The following L1TD1 variants were observed in gnomAD, a reference collection of about 807,000 sequenced individuals.
The protein encoded by L1TD1 is LINE1 type transposase domain containing 1, also known as LINE-1 type transposase domain-containing protein 1.
Under a neutral mutation model 25.7 loss-of-function variants are expected in L1TD1, and 26 were observed. The ratio of observed to expected loss-of-function variants is 1.01; its 90% confidence interval spans 0.74 to 1.40. The LOEUF (loss-of-function observed/expected upper bound fraction) is 1.40. Ranked by LOEUF, L1TD1 falls within the 40% of genes most tolerant of loss-of-function variation. The probability of loss-of-function intolerance (pLI) is 0.00; values close to 1 mark genes in which losing one functional copy is unlikely to be tolerated. For synonymous variants in L1TD1, 421 were observed against 335.6 expected (o/e 1.25, Z -2.78); for missense variants, 1,130 against 975.0 (o/e 1.16, Z -2.12).
chr1:62,198,116 G>A (rs955651605), intron 2 of L1TD1, among the ~76,000 whole-genome samples: 1 of 151,986 alleles, frequency 6.6e-6, no homozygotes, highest in African/African-American at 2.4e-5. Context: ...GGAGAGAGAC[G>A]TACTAACTAG....
chr1:62,201,426 T>C (rs1477114829), intron 2 of L1TD1, among the ~76,000 whole-genome samples: 1 of 148,008 alleles, frequency 6.8e-6, no homozygotes, highest in Non-Finnish European at 1.5e-5. Flanking sequence ...AAAAAAATAT[T>C]AGAAGCATTA....
chr1:62,211,468 G>A lies in L1TD1; in HGVS notation c.*96G>A. On this transcript the variant is annotated 3_prime_UTR_variant, in exon 4 of 4. Coordinates refer to ENST00000498273, the MANE Select transcript of L1TD1 (RefSeq NM_019079.5). ...AAAATACACTTCTACCCAGAAGGAT[G>A]GACAGCTAATAGCGTACTTGGGGAT... The A allele has an allele frequency of 6.7e-7, 1 of 1,500,698 alleles. No individual in the cohort carries two copies. The highest frequency in any genetic ancestry group is 8.8e-7 in the Non-Finnish European group (1 of 1,132,284). The allele number at this position is 1,500,698 out of a possible 1,614,324, so 93.0% of individuals were successfully genotyped here.
At chr1:62,208,641 G>A (rs1670799095) in intron 3 of L1TD1, among the ~76,000 whole-genome samples, 1 of 151,990 alleles carries the variant, frequency 6.6e-6, no homozygotes, top group South Asian at 2.1e-4. Context: ...ACCACACCCA[G>A]CTAATTTTTG....
chr1:62,204,916 A>G (rs1429502859), intron 2 of L1TD1, among the ~76,000 whole-genome samples: 1 of 151,924 alleles, frequency 6.6e-6, no homozygotes, highest in African/African-American at 2.4e-5. Flanking sequence ...TACTGGGACT[A>G]CAGTGCACGC....
chr1:62,205,680 C>T (rs992173450), intron 2 of L1TD1, among the ~76,000 whole-genome samples: 5 of 151,746 alleles, frequency 3.3e-5, no homozygotes, highest in Admixed American at 6.6e-5. Flanking sequence ...ATCCACCCAC[C>T]TCAGCCTCCC....
chr1:62,197,937 C>G (rs555559082), intron 2 of L1TD1, among the ~76,000 whole-genome samples: 3 of 152,036 alleles, frequency 2.0e-5, no homozygotes, highest in African/African-American at 4.8e-5. Context: ...ATGCCCACTG[C>G]TGAGGGAATT....
At chr1:62,204,977 G>T (rs1670707285) in intron 2 of L1TD1, among the ~76,000 whole-genome samples, 1 of 151,900 alleles carries the variant, frequency 6.6e-6, no homozygotes, top group African/African-American at 2.4e-5. Flanking sequence ...TGTTACCCAG[G>T]CAGGTCTCAA....
intron 2 of L1TD1, among the ~76,000 whole-genome samples, chr1:62,201,251 T>G (rs1670633602): frequency 6.6e-6 from 1 of 152,096 alleles, no homozygotes; most frequent in Non-Finnish European, 1.5e-5. Flanking sequence ...ATTGTAGCGT[T>G]TATTGGACAC....
intron 2 of L1TD1, among the ~76,000 whole-genome samples, chr1:62,202,905 A>ACTC (rs943729296): frequency 6.6e-6 from 1 of 151,384 alleles, no homozygotes; most frequent in Admixed American, 6.6e-5. Context: ...GTAGTCACGA[A>ACTC]CTCCTGACCT....
intron 2 of L1TD1, among the ~76,000 whole-genome samples, chr1:62,197,361 T>C (rs1410150290): frequency 6.9e-6 from 1 of 145,112 alleles, no homozygotes; most frequent in East Asian, 2.1e-4. Flanking sequence ...CACTCCAGCC[T>C]GGGCAAGAGT....
At chr1:62,195,025 G>T (rs931139135) in intron 1 of L1TD1, 104 bp downstream of exon 1, 2 of 152,530 alleles carry the variant, frequency 1.3e-5, no homozygotes, top group Non-Finnish European at 2.9e-5. Context: ...AGGCGCGTGG[G>T]GTCCGGGGTG....
intron 2 of L1TD1, among the ~76,000 whole-genome samples, chr1:62,198,862 G>A (rs892397403): frequency 4.6e-5 from 7 of 150,558 alleles, no homozygotes; most frequent in African/African-American, 1.7e-4. Context: ...TTTTTTGGCA[G>A]GGTCTTGCTC....
Position 62,210,887 on chromosome 1 carries a change from A to T in L1TD1, c.2113A>T (p.Ile705Leu). ...ERSRSCNIRLIGIPEKESYEN... is the reference protein window; with the variant it reads ...ERSRSCNIRLLGIPEKESYEN... ...ATCTAGAAGTTGCAACATTCGTTTG[A>T]TAGGAATTCCAGAAAAGGAGAGTTA... is the stretch of plus-strand genomic sequence containing the variant. Residue 705 changes from isoleucine to leucine, a missense_variant, in exon 4 of 4, where the codon ATA (isoleucine) becomes TTA (leucine). Coordinates refer to ENST00000498273, the MANE Select transcript of L1TD1 (RefSeq NM_019079.5). The T allele has an allele frequency of 1.9e-6, 3 of 1,551,438 alleles. No homozygotes were observed. The highest frequency in any genetic ancestry group is 3.9e-5 in the Admixed American group (2 of 50,964).
intron 2 of L1TD1, among the ~76,000 whole-genome samples, chr1:62,203,960 AG>A (rs1670689522): frequency 6.6e-6 from 1 of 152,014 alleles, no homozygotes; most frequent in Admixed American, 6.6e-5. Context: ...TCCTGACCTC[AG>A]GGGATCCACC....
At chr1:62,209,273 A>G (rs1282905131) in intron 3 of L1TD1, among the ~76,000 whole-genome samples, 1 of 148,948 alleles carries the variant, frequency 6.7e-6, no homozygotes, top group Non-Finnish European at 1.5e-5. Context: ...GCTAGAGTGT[A>G]AACTGCAATT....
At chr1:62,208,834 C>T (rs1277512615) in intron 3 of L1TD1, among the ~76,000 whole-genome samples, 1 of 152,184 alleles carries the variant, frequency 6.6e-6, no homozygotes, top group Non-Finnish European at 1.5e-5. Flanking sequence ...GAACGCTTCT[C>T]CTCTGCCTTT....
At chr1:62,196,811 C>G (rs935396681) in intron 2 of L1TD1, among the ~76,000 whole-genome samples, 1 of 151,904 alleles carries the variant, frequency 6.6e-6, no homozygotes, top group African/African-American at 2.4e-5. Flanking sequence ...AGGGTGGTCT[C>G]GAGCTCCTGA....
At chr1:62,200,157 A>G (rs1670614421) in intron 2 of L1TD1, among the ~76,000 whole-genome samples, 1 of 152,126 alleles carries the variant, frequency 6.6e-6, no homozygotes, top group African/African-American at 2.4e-5. Context: ...CATGGTGTAT[A>G]TATATATAAC....
chr1:62,210,793 C>A lies in L1TD1; in HGVS notation c.2019C>A (p.Phe673Leu), dbSNP rs1172571060. The A allele has an allele frequency of 5.0e-5, 77 of 1,550,134 alleles. 1 individual carries two copies. The highest frequency in any genetic ancestry group is 4.3e-5 in the Non-Finnish European group (49 of 1,146,706). Residue 673 changes from phenylalanine to leucine, a missense_variant, in exon 4 of 4, where the codon TTC (phenylalanine) becomes TTA (leucine). Coordinates refer to ENST00000498273, the MANE Select transcript of L1TD1 (RefSeq NM_019079.5). ...IDSLEDQIEE[F>L]SKDTMQMTKQ... ...GTCTAGAAGATCAAATTGAAGAATT[C>A]TCTAAGGATACAATGCAAATGACCA...
Sources: gnomAD v4.1 joint callset for allele counts (sites outside exome capture counted in the v4.1 genomes callset) on GRCh38, gnomAD v4.1.1 for gene constraint, MANE v1.5 for transcripts, NCBI Gene and HGNC (gene_info 2026-07-23, HGNC 2026-07-21) for gene names.